Variants in HSD17B12 observed in about 807,000 individuals in gnomAD.
The protein encoded by HSD17B12 is very-long-chain 3-oxoacyl-CoA reductase.
HSD17B12 carries 32 observed loss-of-function variants against 39.3 expected under a neutral mutation model. The observed-to-expected ratio is 0.81, with a 90% CI of 0.61 to 1.09. The LOEUF (loss-of-function observed/expected upper bound fraction) is 1.09, where lower values mean the gene tolerates loss of function less well. HSD17B12 is among the 50% of genes least tolerant of loss of function. HSD17B12 has a pLI of 0.00. For missense variants in HSD17B12, 342 were observed against 382.9 expected, an observed-to-expected ratio of 0.89 and a Z score of 0.89; for synonymous variants, 150 against 146.7, an observed-to-expected ratio of 1.02 and a Z score of -0.16.
chr11:43,626,721 C>T, the HSD17B12 span, among the ~76,000 whole-genome samples: 2 of 151,876 alleles, frequency 1.3e-5, no homozygotes, highest in Non-Finnish European at 2.9e-5. Context: ...CAGCTGATTA[C>T]AACTTTGATG....
Position 43,831,080 on chromosome 11 carries a change from C to T in HSD17B12, c.536+70C>T, listed in dbSNP as rs534694474. ...TGATTATTTAGAGGGAGAATCCTTG[C>T]TTTGAAAAAATCACTGAAGTGACTA... On this transcript the variant is annotated intron_variant, in intron 7 of 10. Transcript: ENST00000278353. The surrounding 1 kb of genome is among the most constrained non-coding windows in gnomAD (Gnocchi z 4.1). 1 of 1,427,734 alleles carries T rather than the reference C, an allele frequency of 7.0e-7. No homozygotes were observed. The highest frequency in any genetic ancestry group is 1.4e-5 in the African/African-American group (1 of 69,380). 88.4% of individuals were successfully genotyped at this position (1,427,734 alleles called of 1,614,324 possible).
intron 1 of HSD17B12, among the ~76,000 whole-genome samples, chr11:43,730,429 C>T (rs1377617151): frequency 1.3e-5 from 2 of 151,862 alleles, no homozygotes; most frequent in Non-Finnish European, 2.9e-5. Context: ...TGGGGGTTTA[C>T]CAAAAAGTAG....
chr11:43,799,524 T>C (rs1010995094), intron 4 of HSD17B12, among the ~76,000 whole-genome samples: 13 of 152,166 alleles, frequency 8.5e-5, no homozygotes, highest in Admixed American at 2.0e-4. Flanking sequence ...AAATGGGCTT[T>C]GTTAACTTTC....
intron 4 of HSD17B12, among the ~76,000 whole-genome samples, chr11:43,812,364 G>C (rs1189618986): frequency 6.6e-6 from 1 of 152,098 alleles, no homozygotes; most frequent in Non-Finnish European, 1.5e-5. Context: ...TGCTTTCTCT[G>C]CGTCCTTGCC....
chr11:43,600,873 G>C, the HSD17B12 span, among the ~76,000 whole-genome samples: 59,160 of 151,570 alleles, frequency 0.39, 13,259 homozygotes, highest in East Asian at 0.76. Context: ...AAATTTTCTT[G>C]TGTTAGTTCT....
intron 1 of HSD17B12, among the ~76,000 whole-genome samples, chr11:43,731,099 C>T (rs988262025): frequency 1.3e-5 from 2 of 151,996 alleles, no homozygotes; most frequent in African/African-American, 4.8e-5. Context: ...CGGGTTCAAG[C>T]GATTCTCCTG....
the HSD17B12 span, among the ~76,000 whole-genome samples, chr11:43,590,767 C>T: frequency 1.3e-5 from 2 of 150,180 alleles, no homozygotes; most frequent in Non-Finnish European, 3.0e-5. Flanking sequence ...ACCTCAGCCT[C>T]CCAAAGTGCT....
the HSD17B12 span, among the ~76,000 whole-genome samples, chr11:43,621,684 C>T: frequency 6.6e-6 from 1 of 152,152 alleles, no homozygotes; most frequent in Admixed American, 6.5e-5. Flanking sequence ...GCACTCCAGC[C>T]CAGATGACAG....
At chr11:43,581,420 T>C in the HSD17B12 span, 1 of 521,972 alleles carries the variant, frequency 1.9e-6, no homozygotes, top group Non-Finnish European at 3.9e-6. The surrounding 1 kb of genome is among the most constrained non-coding windows in gnomAD (Gnocchi z 4.9). Context: ...TTTTGCGGTC[T>C]GGGCTTGCTG....
intron 3 of HSD17B12, among the ~76,000 whole-genome samples, chr11:43,769,054 C>T (rs571773098): frequency 1.3e-5 from 2 of 152,328 alleles, no homozygotes; most frequent in South Asian, 4.1e-4. Context: ...ATTCTGGTGC[C>T]TCAGCCTCCC....
At chr11:43,583,937 C>A in the HSD17B12 span, among the ~76,000 whole-genome samples, 2 of 152,126 alleles carry the variant, frequency 1.3e-5, no homozygotes, top group African/African-American at 4.8e-5. Flanking sequence ...ACTAGCTTAA[C>A]TTTGCCTATG....
chr11:43,642,746 A>G, the HSD17B12 span, among the ~76,000 whole-genome samples: 981 of 152,028 alleles, frequency 6.5e-3, 6 homozygotes, highest in African/African-American at 0.022. Flanking sequence ...GTAGTATAAT[A>G]AACTAAAATT....
At chr11:43,753,707 C>G (rs141352909) in intron 2 of HSD17B12, among the ~76,000 whole-genome samples, 2 of 151,824 alleles carry the variant, frequency 1.3e-5, no homozygotes, top group East Asian at 3.9e-4. Context: ...AACCACTGTG[C>G]TTGGCATAAA....
At chr11:43,788,924 TTTTTA>T (rs1327873206) in intron 3 of HSD17B12, among the ~76,000 whole-genome samples, 1 of 152,178 alleles carries the variant, frequency 6.6e-6, no homozygotes, top group Admixed American at 6.6e-5. Flanking sequence ...GGGCCCCACA[TTTTTA>T]TTTTACACTG....
chr11:43,709,881 G>A (rs1188373118), intron 1 of HSD17B12, among the ~76,000 whole-genome samples: 1 of 152,120 alleles, frequency 6.6e-6, no homozygotes, highest in African/African-American at 2.4e-5. Flanking sequence ...TGGTGACTAT[G>A]TGTGACTGAG....
chr11:43,617,339 C>T, the HSD17B12 span, among the ~76,000 whole-genome samples: 51 of 152,134 alleles, frequency 3.4e-4, no homozygotes, highest in Non-Finnish European at 6.5e-4. Flanking sequence ...TAGTAATTCA[C>T]ACCAGGAGAC....
the HSD17B12 span, among the ~76,000 whole-genome samples, chr11:43,662,194 C>T: frequency 5.2e-5 from 6 of 114,326 alleles, no homozygotes; most frequent in Admixed American, 3.7e-4. Context: ...AGTGAGCCCA[C>T]GTCTCTTTTT....
At chr11:43,676,158 G>A (rs1438482952), upstream of HSD17B12, among the ~76,000 whole-genome samples, 1 of 151,512 alleles carries the variant, frequency 6.6e-6, no homozygotes, top group Admixed American at 6.6e-5. Context: ...CCTTAGAAAG[G>A]GGGTAAATGA....
Position 43,681,824 on chromosome 11 carries a change from T to TC in HSD17B12, c.160+847dup, listed in dbSNP as rs376469367. Reference sequence around the variant, plus strand: ...AAAATTATCTGCAGGGAAGTTTTGCTCCCCCCCCCCTTTTTTTTTTCTTTT... The same window carrying TC: ...AAAATTATCTGCAGGGAAGTTTTGCTCCCCCCCCCCCTTTTTTTTTTCTTTT... On this transcript the variant is annotated intron_variant, in intron 1 of 10. Coordinates refer to ENST00000278353, the MANE Select transcript of HSD17B12 (RefSeq NM_016142.3). Among the ~76,000 whole-genome samples, 734 of 134,862 alleles carry TC rather than the reference T, an allele frequency of 5.4e-3. 7 individuals are homozygous for TC. Among genetic ancestry groups the TC allele is most frequent in the South Asian group, 0.012 (48 of 4,016 alleles). The allele number at this position is 134,862 out of a possible 152,430, so 88.5% of individuals were successfully genotyped here. A position where few individuals can be genotyped will look rare whatever the true frequency, so the allele number is the denominator to read the frequency against.
Sources: allele counts gnomAD v4.1 joint callset (sites outside exome capture counted in the v4.1 genomes callset), GRCh38; gene constraint gnomAD v4.1.1; non-coding constraint Gnocchi (gnomAD v3.1); transcripts MANE v1.5; gene names NCBI Gene and HGNC (gene_info 2026-07-23, HGNC 2026-07-21).